Variants in PPME1 observed in about 807,000 individuals in gnomAD.
PPME1 encodes testicular secretory protein Li 39.
In PPME1, 17 loss-of-function variants were observed where a neutral mutation model predicts 56.9. The ratio of observed to expected loss-of-function variants is 0.30; its 90% CI spans 0.20 to 0.45. The LOEUF (loss-of-function observed/expected upper bound fraction) is 0.45, where lower values mean the gene tolerates loss of function less well. PPME1 is among the 20% of genes least tolerant of loss of function. PPME1 has a pLI of 1.00. For missense variants in PPME1, 357 were observed against 483.2 expected (o/e 0.74, Z 2.45); for synonymous variants, 122 against 156.2 (o/e 0.78, Z 1.63).
chr11:74,178,842 A>T (rs1294334842), intron 1 of PPME1, among the ~76,000 whole-genome samples: 5 of 151,872 alleles, frequency 3.3e-5, no homozygotes, highest in Non-Finnish European at 7.4e-5. Context: ...ATGTTATGCT[A>T]CTTGATGTCA....
intron 11 of PPME1, chr11:74,249,172 A>C (rs1859588686): frequency 6.6e-6 from 1 of 152,234 alleles, no homozygotes; most frequent in South Asian, 2.1e-4. Context: ...GAGTATAGAG[A>C]GTAAATGGCG....
intron 7 of PPME1, 24 bp downstream of exon 7, chr11:74,231,026 T>C (rs1167316048): frequency 6.6e-7 from 1 of 1,510,644 alleles, no homozygotes; most frequent in Admixed American, 1.9e-5. Flanking sequence ...CTTTGTCGCC[T>C]TTATTTAATT....
At chr11:74,244,471 G>C (rs758863355) in intron 9 of PPME1, among the ~76,000 whole-genome samples, 5 of 152,102 alleles carry the variant, frequency 3.3e-5, no homozygotes, top group Non-Finnish European at 7.4e-5. Flanking sequence ...TGGGGGTGAG[G>C]TGGTATCTCA....
chr11:74,239,367 G>T (rs976469002), intron 9 of PPME1, 111 bp downstream of exon 9: 5 of 1,461,134 alleles, frequency 3.4e-6, no homozygotes, highest in Non-Finnish European at 4.5e-6. Flanking sequence ...AGGTATTTTA[G>T]GGAGCCAAGA....
chr11:74,188,492 A>G lies in PPME1; in HGVS notation c.102-15236A>G, dbSNP rs191924411. Among the ~76,000 whole-genome samples the G allele has an allele frequency of 1.3e-3, 192 of 152,170 alleles. 4 individuals are homozygous for G. Among genetic ancestry groups the G allele is most frequent in the Non-Finnish European group, 8.2e-4 (56 of 68,002 alleles). On this transcript the variant is annotated intron_variant, in intron 1 of 13. Transcript: ENST00000328257. ...GAGCCACTGCGCCCAGCCCATACTGATATTTCAAAAGGAAGGACAAAAGGA... is the reference window on the plus strand; with the variant it reads ...GAGCCACTGCGCCCAGCCCATACTGGTATTTCAAAAGGAAGGACAAAAGGA...
intron 3 of PPME1, 38 bp from the exon 4 acceptor site, chr11:74,222,274 C>G (rs1450806015): frequency 3.3e-6 from 5 of 1,495,920 alleles, no homozygotes; most frequent in Non-Finnish European, 4.7e-6. Flanking sequence ...AATTTGTTAT[C>G]CTAGATGTGT....
chr11:74,220,577 C>T (rs186938298), intron 3 of PPME1, among the ~76,000 whole-genome samples: 2 of 152,274 alleles, frequency 1.3e-5, no homozygotes, highest in East Asian at 3.9e-4. Context: ...TACTTAATCT[C>T]TCTGTAAAAT....
At chr11:74,247,420 T>C in intron 11 of PPME1, 1 of 309,468 alleles carries the variant, frequency 3.2e-6, no homozygotes, top group South Asian at 6.5e-5. Context: ...TATAAAGTAC[T>C]GTATAGGTGT....
intron 1 of PPME1, among the ~76,000 whole-genome samples, chr11:74,171,758 G>A (rs976754808): frequency 4.1e-4 from 62 of 152,096 alleles, no homozygotes; most frequent in African/African-American, 1.5e-3. Flanking sequence ...GGCAAAGGTT[G>A]GGGAAGCTGA....
At chr11:74,200,357 TTGTGTG>T (rs71919163) in intron 1 of PPME1, among the ~76,000 whole-genome samples, 18,032 of 145,580 alleles carry the variant, frequency 0.12, 1,195 homozygotes, top group African/African-American at 0.19. Flanking sequence ...GTCATGTGTT[TTGTGTG>T]TGTGTGTGTG....
intron 3 of PPME1, 44 bp from the exon 4 acceptor site, chr11:74,222,268 T>C: frequency 6.9e-7 from 1 of 1,451,164 alleles, no homozygotes. Context: ...GGGTGAAATT[T>C]GTTATCCTAG....
intron 1 of PPME1, among the ~76,000 whole-genome samples, chr11:74,175,862 A>G (rs932525706): frequency 1.3e-5 from 2 of 152,256 alleles, no homozygotes; most frequent in African/African-American, 2.4e-5. Context: ...CAGAATCATT[A>G]TGTGGCAGGA....
chr11:74,203,601 CTT>C, intron 1 of PPME1, 125 bp from the exon 2 acceptor site: 4 of 576,328 alleles, frequency 6.9e-6, no homozygotes, highest in East Asian at 2.9e-5. Flanking sequence ...GTGATGAACT[CTT>C]TATATCTTTA....
chr11:74,238,220 G>T (rs1168176535), intron 8 of PPME1: 2 of 151,322 alleles, frequency 1.3e-5, no homozygotes, highest in African/African-American at 4.9e-5. Flanking sequence ...GTGAAACTTG[G>T]CACAAGTTTC....
rs559947122 is a variant in PPME1 at position 74,184,989 on chromosome 11, C to CTT, written c.101+13494_101+13495dup. Among the ~76,000 whole-genome samples, 175 of 95,746 alleles carry CTT rather than the reference C, an allele frequency of 1.8e-3. 13 individuals are homozygous for CTT. Among genetic ancestry groups the CTT allele is most frequent in the African/African-American group, 2.9e-3 (79 of 27,324 alleles). 62.8% of individuals were successfully genotyped at this position (95,746 alleles called of 152,430 possible). ...TTTACTGTTTGCTTATGAAGTATGT[C>CTT]TTTTTTTTTTTTTTTTTTTTTTTTT... On this transcript the variant is annotated intron_variant, in intron 1 of 13. Transcript: ENST00000328257.
chr11:74,190,324 A>G (rs562870634), intron 1 of PPME1, among the ~76,000 whole-genome samples: 13 of 152,332 alleles, frequency 8.5e-5, no homozygotes, highest in African/African-American at 1.7e-4. Flanking sequence ...GCTTAGTGCT[A>G]TCCCCTTGGT....
chr11:74,204,503 T>C, intron 3 of PPME1, 58 bp downstream of exon 3: 4 of 1,411,282 alleles, frequency 2.8e-6, no homozygotes, highest in Non-Finnish European at 4.0e-6. Flanking sequence ...AATGAAAGTA[T>C]AGGGACAAAT....
intron 1 of PPME1, among the ~76,000 whole-genome samples, chr11:74,194,581 A>T (rs1441629533): frequency 6.6e-6 from 1 of 151,170 alleles, no homozygotes; most frequent in African/African-American, 2.4e-5. Context: ...ATTATTTAAT[A>T]ATTATACACT....
intron 2 of PPME1, 93 bp downstream of exon 2, chr11:74,203,914 G>T: frequency 2.2e-6 from 2 of 899,016 alleles, no homozygotes; most frequent in Non-Finnish European, 1.7e-6. Flanking sequence ...CTTTATTCCT[G>T]CTACTTATTT....
Sources: allele counts gnomAD v4.1 joint callset (sites outside exome capture counted in the v4.1 genomes callset), GRCh38; gene constraint gnomAD v4.1.1; transcripts MANE v1.5; gene names NCBI Gene and HGNC (gene_info 2026-07-23, HGNC 2026-07-21).